The following LINGO2 variants were observed in gnomAD, a reference collection of about 807,000 sequenced individuals.
LINGO2 encodes leucine rich repeat and Ig domain containing 2, also known as leucine-rich repeat and immunoglobulin-like domain-containing nogo receptor-interacting protein 2.
A neutral mutation model predicts 30.6 loss-of-function variants in LINGO2; 14 were observed. That is an observed-to-expected ratio of 0.46 (90% CI 0.30 to 0.72). LINGO2 has a LOEUF of 0.72. Ranked by LOEUF, LINGO2 falls within the 30% of genes least tolerant of loss-of-function variation. The pLI is 0.07. For missense variants in LINGO2, 729 were observed against 751.7 expected (o/e 0.97, Z 0.35); for synonymous variants, 317 against 288.5 (o/e 1.10, Z -1.00).
intron 2 of LINGO2, among the ~76,000 whole-genome samples, chr9:28,436,084 T>A (rs1823909493): frequency 6.6e-6 from 1 of 152,216 alleles, no homozygotes; most frequent in Non-Finnish European, 1.5e-5. Flanking sequence ...GTTCTTAACA[T>A]AATAAATAGC....
chr9:29,018,448 T>A, the LINGO2 span, among the ~76,000 whole-genome samples: 1 of 151,902 alleles, frequency 6.6e-6, no homozygotes, highest in South Asian at 2.1e-4. Context: ...AACCCTATAA[T>A]CCTTAATACA....
chr9:29,012,457 CATAG>C, the LINGO2 span, among the ~76,000 whole-genome samples: 4 of 152,088 alleles, frequency 2.6e-5, no homozygotes, highest in African/African-American at 2.4e-5. Context: ...AAATTTTCAA[CATAG>C]ATAGAAGAAC....
intron 5 of LINGO2, among the ~76,000 whole-genome samples, chr9:27,996,414 A>G (rs530295918): frequency 1.3e-5 from 2 of 152,328 alleles, no homozygotes; most frequent in Non-Finnish European, 2.9e-5. Flanking sequence ...ATAGGTAAAA[A>G]ATGTGGTACA....
the LINGO2 span, among the ~76,000 whole-genome samples, chr9:28,992,952 G>C: frequency 2.6e-5 from 4 of 151,200 alleles, no homozygotes; most frequent in Non-Finnish European, 5.9e-5. Context: ...ACAATTAAAA[G>C]AACTAGAAAA....
intron 4 of LINGO2, among the ~76,000 whole-genome samples, chr9:28,013,584 G>T (rs528879409): frequency 6.6e-6 from 1 of 152,196 alleles, no homozygotes; most frequent in East Asian, 1.9e-4. Context: ...TGGCAAAGAC[G>T]GGGAGTGAAT....
the LINGO2 span, among the ~76,000 whole-genome samples, chr9:29,046,411 A>C: frequency 3.9e-5 from 6 of 152,174 alleles, no homozygotes; most frequent in Non-Finnish European, 5.9e-5. Flanking sequence ...CACATAGACC[A>C]ATGGAACAGA....
chr9:28,106,605 C>G (rs1477914285), intron 4 of LINGO2, among the ~76,000 whole-genome samples: 2 of 152,110 alleles, frequency 1.3e-5, no homozygotes, highest in African/African-American at 4.8e-5. Context: ...CTGCTCTAGT[C>G]TTACCTGTTT....
At chr9:28,576,279 A>C (rs1823982397) in intron 1 of LINGO2, among the ~76,000 whole-genome samples, 1 of 152,260 alleles carries the variant, frequency 6.6e-6, no homozygotes, top group African/African-American at 2.4e-5. Flanking sequence ...TCAACTACGT[A>C]TCATTAGACA....
chr9:28,290,683 C>A (rs1349207314), intron 4 of LINGO2, among the ~76,000 whole-genome samples: 2 of 152,116 alleles, frequency 1.3e-5, no homozygotes, highest in Non-Finnish European at 2.9e-5. Context: ...AGGAAGCAAT[C>A]ATGAGGAGTG....
chr9:28,977,051 A>G, the LINGO2 span, among the ~76,000 whole-genome samples: 1 of 152,156 alleles, frequency 6.6e-6, no homozygotes, highest in Admixed American at 6.5e-5. Flanking sequence ...TACTAAGGTC[A>G]CCTTGCTCTA....
the LINGO2 span, among the ~76,000 whole-genome samples, chr9:28,983,330 A>G: frequency 6.6e-6 from 1 of 151,790 alleles, no homozygotes; most frequent in African/African-American, 2.4e-5. Flanking sequence ...AAAAAAAAAA[A>G]AAAAGAACTG....
At chr9:28,872,423 A>C in the LINGO2 span, among the ~76,000 whole-genome samples, 289 of 152,232 alleles carry the variant, frequency 1.9e-3, 1 homozygote, top group African/African-American at 6.9e-3. Flanking sequence ...GGAAACAATT[A>C]AACTATAATG....
chr9:28,673,692 A>G (rs1324371991), upstream of LINGO2, among the ~76,000 whole-genome samples: 1 of 151,808 alleles, frequency 6.6e-6, no homozygotes, highest in Non-Finnish European at 1.5e-5. Flanking sequence ...CATCATCATC[A>G]TCATCATCAT....
chr9:27,986,902 A>T (rs534244939), intron 5 of LINGO2, among the ~76,000 whole-genome samples: 6 of 151,896 alleles, frequency 4.0e-5, no homozygotes, highest in Non-Finnish European at 2.9e-5. Flanking sequence ...GAAGAGCATA[A>T]AAGAGGGCTG....
At chr9:28,084,116 G>A (rs1263201058) in intron 4 of LINGO2, among the ~76,000 whole-genome samples, 3 of 152,050 alleles carry the variant, frequency 2.0e-5, no homozygotes, top group Non-Finnish European at 4.4e-5. Context: ...ATAAAGCAAT[G>A]GTAGGGAAGA....
chr9:28,992,995 G>A, the LINGO2 span, among the ~76,000 whole-genome samples: 100 of 151,666 alleles, frequency 6.6e-4, 1 homozygote, highest in African/African-American at 2.3e-3. Flanking sequence ...GCTAGCAGAA[G>A]GCAAGAAATA....
chr9:28,489,578 G>A lies in LINGO2; in HGVS notation c.-364-13553C>T, dbSNP rs75257145. 8.1e-4 allele frequency among the ~76,000 whole-genome samples: 123 copies of A among 152,060 alleles called. 1 individual carries two copies. The East Asian group carries it at 0.023, about 28-fold the overall frequency. The stretch of plus-strand genomic sequence containing the variant: ...TATTTTGCTGTGACTTTCTAAGTCC[G>A]TTAGCCACCTGCTAAAGCTGAGGTT... On this transcript the variant is annotated intron_variant, in intron 1 of 5. Coordinates refer to ENST00000379992, the Ensembl canonical transcript of LINGO2.
chr9:28,008,584 AG>A (rs1479029593), intron 5 of LINGO2, among the ~76,000 whole-genome samples: 2 of 57,452 alleles, frequency 3.5e-5, no homozygotes, highest in Non-Finnish European at 1.1e-4. Flanking sequence ...AGAATAGATG[AG>A]TTTTAGCAAG....
intron 1 of LINGO2, among the ~76,000 whole-genome samples, chr9:28,495,678 A>T (rs1192648753): frequency 6.6e-6 from 1 of 152,036 alleles, no homozygotes; most frequent in East Asian, 1.9e-4. Flanking sequence ...CTCTGATCTT[A>T]GTTATTTCTT....
Sources: allele counts gnomAD v4.1 joint callset (sites outside exome capture counted in the v4.1 genomes callset), GRCh38; gene constraint gnomAD v4.1.1; transcripts MANE v1.5; gene names NCBI Gene and HGNC (gene_info 2026-07-23, HGNC 2026-07-21).